Variants in COL23A1 observed in about 807,000 individuals in gnomAD.
The protein encoded by COL23A1 is collagen alpha-1(XXIII) chain.
A neutral mutation model predicts 99.3 loss-of-function variants in COL23A1; 97 were observed. That is an observed-to-expected ratio of 0.98 (90% confidence interval 0.83 to 1.16). The LOEUF (loss-of-function observed/expected upper bound fraction) is 1.16. Ranked by LOEUF, COL23A1 falls within the 50% of genes most tolerant of loss-of-function variation. The pLI is 0.00. For synonymous variants in COL23A1, 320 were observed against 308.2 expected, an observed-to-expected ratio of 1.04 and a Z score of -0.40; for missense variants, 762 against 757.4, an observed-to-expected ratio of 1.01 and a Z score of -0.07.
chr5:178,363,989 C>T (rs1581235095), intron 2 of COL23A1, among the ~76,000 whole-genome samples: 1 of 152,226 alleles, frequency 6.6e-6, no homozygotes, highest in East Asian at 1.9e-4. Flanking sequence ...CGCTTTGCGG[C>T]CCTCCTGACT....
In COL23A1 at chr5:178,529,838, G is replaced by A. The variant is rs138623602; in HGVS notation, c.361+30844C>T. 5.6e-4 allele frequency among the ~76,000 whole-genome samples: 85 copies of A among 152,342 alleles called. No homozygotes were observed. The East Asian group carries it at 0.015, about 27-fold the overall frequency. On this transcript the variant is annotated intron_variant, in intron 2 of 28. Coordinates refer to ENST00000390654, the MANE Select transcript of COL23A1 (RefSeq NM_173465.4). The stretch of plus-strand genomic sequence containing the variant: ...CACACAAGAAAGGGCCAGTAGAAGC[G>A]TGTGGATGAACTGTGATCATAGTGT...
chr5:178,384,944 C>T lies in COL23A1; in HGVS notation c.362-78025G>A, dbSNP rs1030291955. Among the ~76,000 whole-genome samples, 5 of 151,856 alleles carry T rather than the reference C, an allele frequency of 3.3e-5. No individual in the cohort carries two copies. The highest frequency in any genetic ancestry group is 1.2e-4 in the African/African-American group (5 of 41,314). On this transcript the variant is annotated intron_variant, in intron 2 of 28. Transcript: ENST00000390654. The surrounding 1 kb of genome is among the most constrained non-coding windows in gnomAD (Gnocchi z 5.5). Reference sequence around the variant, plus strand: ...GCTCCCGCTCCTTCCCTGTGCCCAGCCTCCCTGCCTGCCCCATCCAAGCCA... The same window carrying T: ...GCTCCCGCTCCTTCCCTGTGCCCAGTCTCCCTGCCTGCCCCATCCAAGCCA...
chr5:178,357,389 C>T (rs979650543), intron 2 of COL23A1, among the ~76,000 whole-genome samples: 9 of 152,190 alleles, frequency 5.9e-5, no homozygotes, highest in Non-Finnish European at 4.4e-5. Context: ...GGGCTGGGGC[C>T]GCACAGCCTC....
At chr5:178,283,847 C>T (rs1014165277) in intron 5 of COL23A1, among the ~76,000 whole-genome samples, 3 of 152,180 alleles carry the variant, frequency 2.0e-5, no homozygotes, top group Non-Finnish European at 2.9e-5. Flanking sequence ...AAGATACCTC[C>T]GGGAAGATGA....
At chr5:178,515,343 G>A (rs1045010504) in intron 2 of COL23A1, among the ~76,000 whole-genome samples, 2 of 152,222 alleles carry the variant, frequency 1.3e-5, no homozygotes, top group African/African-American at 4.8e-5. Context: ...TGAGTGTTGG[G>A]TGTGAGCCTG....
chr5:178,403,085 G>C (rs568903102), intron 2 of COL23A1, among the ~76,000 whole-genome samples: 2 of 123,782 alleles, frequency 1.6e-5, no homozygotes, highest in South Asian at 6.0e-4. Flanking sequence ...CTCCAGCCTG[G>C]GCAACAGAGA....
chr5:178,508,128 C>A (rs561354492), intron 2 of COL23A1, among the ~76,000 whole-genome samples: 2 of 152,162 alleles, frequency 1.3e-5, no homozygotes, highest in East Asian at 3.9e-4. Flanking sequence ...TCTGTCATCT[C>A]TGTCCTGCTG....
intron 2 of COL23A1, among the ~76,000 whole-genome samples, chr5:178,364,103 G>A (rs1762324410): frequency 6.6e-6 from 1 of 152,208 alleles, no homozygotes; most frequent in African/African-American, 2.4e-5. Flanking sequence ...CACATGGGGA[G>A]CTCTTCTTTG....
chr5:178,387,654 C>T lies in COL23A1; in HGVS notation c.362-80735G>A, dbSNP rs528388386. On this transcript the variant is annotated intron_variant, in intron 2 of 28. Coordinates refer to ENST00000390654, the MANE Select transcript of COL23A1 (RefSeq NM_173465.4). This position sits in a 1 kb window ranked among gnomAD's most constrained non-coding sequence, Gnocchi z 4.7. ...CTCATGACCATTTACCTTTTATCCC[C>T]AGTACGAATACAAAGATAAGGTCAA... Among the ~76,000 whole-genome samples the T allele has an allele frequency of 6.6e-6, 1 of 152,312 alleles. No homozygotes were observed. The highest frequency in any genetic ancestry group is 6.5e-5 in the Admixed American group (1 of 15,296).
At chr5:178,491,829 G>A (rs1211717365) in intron 2 of COL23A1, among the ~76,000 whole-genome samples, 1 of 152,096 alleles carries the variant, frequency 6.6e-6, no homozygotes, top group African/African-American at 2.4e-5. Flanking sequence ...CCGCCTCCCG[G>A]GTTCAAGCAA....
At chr5:178,440,932 C>T (rs1394773334) in intron 2 of COL23A1, among the ~76,000 whole-genome samples, 3 of 152,122 alleles carry the variant, frequency 2.0e-5, no homozygotes, top group Non-Finnish European at 4.4e-5. Context: ...TTTCATCTTT[C>T]TATGTGTGTA....
chr5:178,298,508 G>C (rs1757868277), intron 3 of COL23A1, among the ~76,000 whole-genome samples: 1 of 152,212 alleles, frequency 6.6e-6, no homozygotes, highest in Non-Finnish European at 1.5e-5. Flanking sequence ...GTGAGGGCTG[G>C]CTTCAGTGGC....
intron 5 of COL23A1, among the ~76,000 whole-genome samples, chr5:178,287,072 T>C (rs1241063463): frequency 6.6e-6 from 1 of 152,178 alleles, no homozygotes; most frequent in Non-Finnish European, 1.5e-5. Context: ...AGCCTGTGCT[T>C]CCCCAAGATG....
At chr5:178,288,442 G>GC (rs1322986098) in intron 4 of COL23A1, 92 bp from the exon 5 acceptor site, 6 of 1,086,544 alleles carry the variant, frequency 5.5e-6, no homozygotes, top group Admixed American at 3.4e-5. Flanking sequence ...ACCCACACCC[G>GC]CCCCCCGACA....
chr5:178,531,008 C>T (rs1760616282), intron 2 of COL23A1, among the ~76,000 whole-genome samples: 1 of 152,172 alleles, frequency 6.6e-6, no homozygotes, highest in South Asian at 2.1e-4. Context: ...GCTGGGATTA[C>T]AGGCACGCGC....
intron 2 of COL23A1, among the ~76,000 whole-genome samples, chr5:178,386,916 A>G (rs1343985481): frequency 6.6e-6 from 1 of 152,118 alleles, no homozygotes; most frequent in Non-Finnish European, 1.5e-5. Flanking sequence ...TTCCTCGGCC[A>G]TTGCCCAGTA....
At chr5:178,559,004 G>A (rs1031454543) in intron 2 of COL23A1, among the ~76,000 whole-genome samples, 2 of 152,142 alleles carry the variant, frequency 1.3e-5, no homozygotes, top group Non-Finnish European at 2.9e-5. Flanking sequence ...TGGCCAGACT[G>A]CTCTCGAACT....
rs549933436 is a variant in COL23A1, at chr5:178,500,388, G to A, written c.361+60294C>T. Among the ~76,000 whole-genome samples, 54 of 119,626 alleles carry A rather than the reference G, an allele frequency of 4.5e-4. 2 individuals carry two copies. Among genetic ancestry groups the A allele is most frequent in the African/African-American group, 1.7e-3 (51 of 30,212 alleles). 78.5% of individuals were successfully genotyped at this position (119,626 alleles called of 152,430 possible). On this transcript the variant is annotated intron_variant, in intron 2 of 28. Coordinates refer to ENST00000390654, the MANE Select transcript of COL23A1 (RefSeq NM_173465.4). ...GGGTCACTTAAGGCCAGGAGTTGGA[G>A]ACCAGCTTAGGCAACAAAGCAAGAC...
At chr5:178,260,794 CA>C (rs200635856) in intron 11 of COL23A1, among the ~76,000 whole-genome samples, 3 of 150,614 alleles carry the variant, frequency 2.0e-5, no homozygotes, top group Admixed American at 1.3e-4. Context: ...GACTCCATCT[CA>C]AAAAAAAAGA....
Sources: allele counts gnomAD v4.1 joint callset (sites outside exome capture counted in the v4.1 genomes callset), GRCh38; gene constraint gnomAD v4.1.1; non-coding constraint Gnocchi (gnomAD v3.1); transcripts MANE v1.5; gene names NCBI Gene and HGNC (gene_info 2026-07-23, HGNC 2026-07-21).